The following SPMIP11 variants were observed in gnomAD, a reference collection of about 807,000 sequenced individuals.
The protein encoded by SPMIP11 is long intergenic non-protein coding RNA 935.
the SPMIP11 span, among the ~76,000 whole-genome samples, chr12:48,741,226 T>G: frequency 6.6e-6 from 1 of 151,908 alleles, no homozygotes; most frequent in Non-Finnish European, 1.5e-5. Flanking sequence ...TAATTTTGCA[T>G]TTTTAGTAGA....
At chr12:48,739,498 G>GC in the SPMIP11 span, among the ~76,000 whole-genome samples, 453 of 152,242 alleles carry the variant, frequency 3.0e-3, 1 homozygote, top group Middle Eastern at 0.017. Flanking sequence ...TTGCTTTAAA[G>GC]AATTACCTGA....
At chr12:48,755,418 G>T in the SPMIP11 span, among the ~76,000 whole-genome samples, 4 of 152,158 alleles carry the variant, frequency 2.6e-5, no homozygotes, top group Non-Finnish European at 5.9e-5. Context: ...GTGGAGTTTG[G>T]TTATAAAGAG....
chr12:48,769,975 A>ATGG, the SPMIP11 span, among the ~76,000 whole-genome samples: 1 of 151,058 alleles, frequency 6.6e-6, no homozygotes, highest in South Asian at 2.1e-4. Flanking sequence ...GTTAGTCAGG[A>ATGG]TGGTCTTGAT....
the SPMIP11 span, among the ~76,000 whole-genome samples, chr12:48,763,963 C>T: frequency 2.0e-5 from 3 of 151,640 alleles, no homozygotes; most frequent in African/African-American, 7.3e-5. Context: ...CAGGCATGAG[C>T]CACCTCACTC....
chr12:48,753,737 T>C, the SPMIP11 span, among the ~76,000 whole-genome samples: 3 of 147,486 alleles, frequency 2.0e-5, no homozygotes, highest in Non-Finnish European at 4.5e-5. Context: ...AGTCTCACTC[T>C]GTCGCCCAGG....
the SPMIP11 span, among the ~76,000 whole-genome samples, chr12:48,739,196 T>C: frequency 6.6e-6 from 1 of 152,194 alleles, no homozygotes; most frequent in Non-Finnish European, 1.5e-5. Context: ...TCCTTGGCTT[T>C]CCATTCTGAT....
At chr12:48,756,880 G>A in the SPMIP11 span, among the ~76,000 whole-genome samples, 13 of 151,146 alleles carry the variant, frequency 8.6e-5, no homozygotes, top group Non-Finnish European at 1.5e-4. Context: ...GGATTCAAGC[G>A]ATTCTCTTCC....
chr12:48,749,487 G>A, the SPMIP11 span, among the ~76,000 whole-genome samples: 5 of 151,154 alleles, frequency 3.3e-5, no homozygotes, highest in African/African-American at 1.2e-4. Context: ...AATTAGCCGG[G>A]CATGGTGGCG....
the SPMIP11 span, chr12:48,736,199 T>C: frequency 2.6e-6 from 1 of 381,010 alleles, no homozygotes; most frequent in Non-Finnish European, 5.1e-6. Context: ...AGCCCAGGAA[T>C]TAGAGACCAG....
the SPMIP11 span, among the ~76,000 whole-genome samples, chr12:48,741,429 A>G: frequency 1.9e-4 from 29 of 152,172 alleles, no homozygotes; most frequent in African/African-American, 6.7e-4. Context: ...GATGTTTCTC[A>G]TGATTAGATT....
At chr12:48,740,663 T>C in the SPMIP11 span, among the ~76,000 whole-genome samples, 1 of 150,580 alleles carries the variant, frequency 6.6e-6, no homozygotes, top group Non-Finnish European at 1.5e-5. Flanking sequence ...TGGCCAACTT[T>C]TTTTTTTTTT....
At chr12:48,748,135 TAGAA>T in the SPMIP11 span, among the ~76,000 whole-genome samples, 15 of 152,278 alleles carry the variant, frequency 9.9e-5, no homozygotes, top group South Asian at 4.1e-4. Flanking sequence ...CTAAGAAAAT[TAGAA>T]GGAATCAGAG....
the SPMIP11 span, chr12:48,767,992 A>G: frequency 6.4e-6 from 1 of 157,462 alleles, no homozygotes; most frequent in African/African-American, 2.4e-5. Flanking sequence ...GCACATGGAA[A>G]CATTCTCCTG....
the SPMIP11 span, among the ~76,000 whole-genome samples, chr12:48,763,312 T>C: frequency 6.6e-6 from 1 of 152,138 alleles, no homozygotes; most frequent in Non-Finnish European, 1.5e-5. Flanking sequence ...CAGCTGGTAC[T>C]ACAGGCGTGC....
the SPMIP11 span, among the ~76,000 whole-genome samples, chr12:48,756,757 A>G: frequency 0.66 from 97,890 of 149,110 alleles, 32,383 homozygotes; most frequent in East Asian, 0.76. Context: ...AGATGCAGAG[A>G]TGGATTTTTT....
At chr12:48,765,079 C>G in the SPMIP11 span, 10 of 629,398 alleles carry the variant, frequency 1.6e-5, no homozygotes, top group Middle Eastern at 2.8e-4. Context: ...ATTTCATCTC[C>G]GGTCAGTTAG....
the SPMIP11 span, among the ~76,000 whole-genome samples, chr12:48,732,741 G>T: frequency 6.6e-6 from 1 of 151,648 alleles, no homozygotes; most frequent in African/African-American, 2.4e-5. Flanking sequence ...TTGCACTCCA[G>T]CCTGGGCAAC....
the SPMIP11 span, among the ~76,000 whole-genome samples, chr12:48,769,480 T>C: frequency 6.6e-6 from 1 of 150,974 alleles, no homozygotes; most frequent in Non-Finnish European, 1.5e-5. Flanking sequence ...CACCTCAGTT[T>C]AGGAGCTCCC....
At chr12:48,767,957 G>A in the SPMIP11 span, 1 of 155,472 alleles carries the variant, frequency 6.4e-6, no homozygotes, top group African/African-American at 2.4e-5. Context: ...TCCCCTTTGG[G>A]GACAGATCAT....
Sources: gnomAD v4.1 joint callset for allele counts (sites outside exome capture counted in the v4.1 genomes callset) on GRCh38, gnomAD v4.1.1 for gene constraint, MANE v1.5 for transcripts, NCBI Gene and HGNC (gene_info 2026-07-23, HGNC 2026-07-21) for gene names.